CPQ: variants seen among roughly 807,000 people sequenced by gnomAD.
CPQ encodes carboxypeptidase Q.
In CPQ, 37 loss-of-function variants were observed where a neutral mutation model predicts 45.7. The observed-to-expected ratio is 0.81, with a 90% confidence interval of 0.62 to 1.07. CPQ has a LOEUF of 1.07. CPQ is among the 50% of genes least tolerant of loss of function. CPQ has a pLI of 0.00. For missense variants in CPQ, 537 were observed against 572.9 expected, an observed-to-expected ratio of 0.94 and a Z score of 0.64; for synonymous variants, 186 against 205.8, an observed-to-expected ratio of 0.90 and a Z score of 0.82.
intron 1 of CPQ, among the ~76,000 whole-genome samples, chr8:96,688,715 G>C (rs79365719): frequency 6.6e-6 from 1 of 151,982 alleles, no homozygotes; most frequent in Non-Finnish European, 1.5e-5. Flanking sequence ...TCAATGTACT[G>C]TAATTCTGTT....
chr8:96,667,773 A>G (rs1371535294), intron 1 of CPQ, among the ~76,000 whole-genome samples: 1 of 152,104 alleles, frequency 6.6e-6, no homozygotes, highest in Non-Finnish European at 1.5e-5. Context: ...CTGCCAACTA[A>G]ATATTAGCTA....
intron 5 of CPQ, among the ~76,000 whole-genome samples, chr8:96,971,748 A>G (rs1464184649): frequency 6.6e-6 from 1 of 152,222 alleles, no homozygotes; most frequent in Non-Finnish European, 1.5e-5. Context: ...GTTAATGCGT[A>G]GATGCTGCTT....
intron 5 of CPQ, among the ~76,000 whole-genome samples, chr8:96,973,615 G>T (rs529612946): frequency 5.3e-4 from 81 of 152,210 alleles, no homozygotes; most frequent in Middle Eastern, 6.8e-3. Context: ...AGAGCTCTGA[G>T]GCAAAAGCAT....
intron 2 of CPQ, among the ~76,000 whole-genome samples, chr8:96,809,600 G>A (rs994483618): frequency 3.2e-4 from 48 of 152,156 alleles, no homozygotes; most frequent in African/African-American, 1.1e-3. Flanking sequence ...GGAGAGATTG[G>A]CTGTAAGAGG....
chr8:96,951,366 C>T (rs1813262324), intron 4 of CPQ, among the ~76,000 whole-genome samples: 1 of 152,076 alleles, frequency 6.6e-6, no homozygotes, highest in Admixed American at 6.6e-5. Context: ...AGGGAGAGAG[C>T]CAGTCTATGG....
intron 3 of CPQ, among the ~76,000 whole-genome samples, chr8:96,865,222 A>G (rs2130870137): frequency 6.6e-6 from 1 of 152,090 alleles, no homozygotes; most frequent in African/African-American, 2.4e-5. Flanking sequence ...CCAGGATTTA[A>G]CTTAGAATCA....
chr8:96,961,357 T>C (rs1483479541), intron 4 of CPQ, among the ~76,000 whole-genome samples: 1 of 152,230 alleles, frequency 6.6e-6, no homozygotes, highest in Non-Finnish European at 1.5e-5. Context: ...TTCTGTGAAA[T>C]GCCTCTTTAT....
intron 1 of CPQ, among the ~76,000 whole-genome samples, chr8:96,703,370 C>T (rs556897733): frequency 1.3e-4 from 20 of 152,252 alleles, no homozygotes; most frequent in Non-Finnish European, 1.5e-4. Context: ...AAATCTCATG[C>T]ACAATATCTT....
At chr8:96,980,218 C>T (rs771603433) in intron 5 of CPQ, among the ~76,000 whole-genome samples, 9 of 152,092 alleles carry the variant, frequency 5.9e-5, no homozygotes, top group Non-Finnish European at 1.2e-4. Context: ...CTGCAACCTC[C>T]GCCTCCTGGG....
intron 1 of CPQ, among the ~76,000 whole-genome samples, chr8:96,773,340 T>C (rs1810569713): frequency 6.6e-6 from 1 of 152,194 alleles, no homozygotes; most frequent in Admixed American, 6.5e-5. Context: ...AGTGATATAG[T>C]CTAGCAGGGT....
intron 1 of CPQ, among the ~76,000 whole-genome samples, chr8:96,724,939 A>G (rs1809817328): frequency 6.6e-6 from 1 of 152,198 alleles, no homozygotes; most frequent in African/African-American, 2.4e-5. Flanking sequence ...CACAACTACA[A>G]CCATCTGATC....
At chr8:96,708,210 T>C (rs1809558369) in intron 1 of CPQ, among the ~76,000 whole-genome samples, 1 of 152,074 alleles carries the variant, frequency 6.6e-6, no homozygotes, top group South Asian at 2.1e-4. Context: ...TAAGGATTCT[T>C]GTGATTACAC....
chr8:96,698,432 G>C (rs1179311959), intron 1 of CPQ, among the ~76,000 whole-genome samples: 1 of 152,036 alleles, frequency 6.6e-6, no homozygotes, highest in Non-Finnish European at 1.5e-5. Flanking sequence ...CTAGGACATT[G>C]GACTGGGCAA....
intron 2 of CPQ, among the ~76,000 whole-genome samples, chr8:96,794,281 G>A (rs866266307): frequency 3.3e-5 from 5 of 152,150 alleles, no homozygotes; most frequent in Admixed American, 2.0e-4. Context: ...CTTGACTCCT[G>A]TGCACTGGCA....
chr8:96,905,935 A>C (rs1233662145), intron 4 of CPQ, among the ~76,000 whole-genome samples: 1 of 152,176 alleles, frequency 6.6e-6, no homozygotes, highest in African/African-American at 2.4e-5. Flanking sequence ...ATTAAATGTT[A>C]TAAATGAATT....
At chr8:96,671,342 C>G (rs928683428) in intron 1 of CPQ, among the ~76,000 whole-genome samples, 16 of 152,148 alleles carry the variant, frequency 1.1e-4, no homozygotes, top group Non-Finnish European at 2.2e-4. Flanking sequence ...AAAGCATATG[C>G]AAGTATGTCT....
At chr8:97,007,099 A>T (rs750532765) in intron 5 of CPQ, among the ~76,000 whole-genome samples, 3 of 152,172 alleles carry the variant, frequency 2.0e-5, no homozygotes, top group Admixed American at 2.0e-4. Context: ...CTTCTCCAAA[A>T]GTTTGTTTGT....
At chr8:97,046,062 T>C (rs996016825) in intron 6 of CPQ, among the ~76,000 whole-genome samples, 10 of 152,226 alleles carry the variant, frequency 6.6e-5, no homozygotes, top group African/African-American at 2.4e-4. Context: ...CTGCTACTCA[T>C]CTTACTTGAT....
At chr8:96,821,326 C>T (rs1688044085) in intron 2 of CPQ, among the ~76,000 whole-genome samples, 2 of 151,356 alleles carry the variant, frequency 1.3e-5, no homozygotes, top group Admixed American at 6.6e-5. Flanking sequence ...GCTTGGGTTG[C>T]CTGTGCTTTT....
Sources: allele counts gnomAD v4.1 joint callset (sites outside exome capture counted in the v4.1 genomes callset), GRCh38; gene constraint gnomAD v4.1.1; transcripts MANE v1.5; gene names NCBI Gene and HGNC (gene_info 2026-07-23, HGNC 2026-07-21).